MICAL2: variants seen among roughly 807,000 people sequenced by gnomAD.
MICAL2 encodes microtubule associated monooxygenase, calponin and LIM domain containing 2.
A neutral mutation model predicts 127.3 loss-of-function variants in MICAL2; 77 were observed. The observed-to-expected ratio is 0.60, with a 90% CI of 0.50 to 0.73. The LOEUF is 0.73. Ranked by LOEUF, MICAL2 falls within the 30% of genes least tolerant of loss-of-function variation. The probability of loss-of-function intolerance (pLI) is 0.00; values close to 1 mark genes in which losing one functional copy is unlikely to be tolerated. For missense variants in MICAL2, 1,351 were observed against 1,434.4 expected, an observed-to-expected ratio of 0.94 and a Z score of 0.94; for synonymous variants, 570 against 551.1, an observed-to-expected ratio of 1.03 and a Z score of -0.48.
chr11:12,207,250 G>C (rs1240071036), intron 4 of MICAL2, among the ~76,000 whole-genome samples: 2 of 152,004 alleles, frequency 1.3e-5, no homozygotes, highest in African/African-American at 4.8e-5. Flanking sequence ...ATTTACCTCT[G>C]TTCCCTCCAT....
At chr11:12,320,246 G>A in intron 30 of MICAL2, among the ~76,000 whole-genome samples, 1 of 152,194 alleles carries the variant, frequency 6.6e-6, no homozygotes, top group African/African-American at 2.4e-5. Flanking sequence ...GAACCATGCA[G>A]TTGCATCTAG....
intron 5 of MICAL2, 115 bp downstream of exon 5, chr11:12,208,254 CATA>C: frequency 1.3e-6 from 1 of 773,794 alleles, no homozygotes; most frequent in Non-Finnish European, 2.2e-6. Context: ...AGCTGGTTGG[CATA>C]ATGCCACTGA....
chr11:12,185,573 G>T (rs1418036628), intron 3 of MICAL2, among the ~76,000 whole-genome samples: 1 of 152,138 alleles, frequency 6.6e-6, no homozygotes, highest in African/African-American at 2.4e-5. Context: ...TGTGTGTTAG[G>T]TGTTACTGTT....
At chr11:12,258,444 GTA>G in intron 24 of MICAL2, 22 bp from the exon 25 acceptor site, 1 of 1,599,958 alleles carries the variant, frequency 6.3e-7, no homozygotes, top group East Asian at 2.2e-5. Flanking sequence ...AAATTTTTCT[GTA>G]TGTGTGTGCC....
At chr11:12,231,759 G>T (rs1858306080) in intron 15 of MICAL2, among the ~76,000 whole-genome samples, 1 of 152,176 alleles carries the variant, frequency 6.6e-6, no homozygotes, top group South Asian at 2.1e-4. Context: ...GAGGTTTGAA[G>T]AAGGCTTAGG....
intron 4 of MICAL2, among the ~76,000 whole-genome samples, chr11:12,206,180 T>G (rs1388561052): frequency 6.6e-6 from 1 of 152,144 alleles, no homozygotes; most frequent in Non-Finnish European, 1.5e-5. Context: ...ACCACTGTAT[T>G]GAGCACCACT....
At chr11:12,294,889 C>T, downstream of MICAL2, 1 of 1,432,138 alleles carries the variant, frequency 7.0e-7, no homozygotes, top group Non-Finnish European at 9.1e-7. Context: ...AATGTCTGCC[C>T]TTCATGCTGG....
chr11:12,184,294 A>G (rs1271947946), intron 3 of MICAL2, among the ~76,000 whole-genome samples: 1 of 152,200 alleles, frequency 6.6e-6, no homozygotes, highest in Non-Finnish European at 1.5e-5. Context: ...TCTGAGCGGA[A>G]GCTCTCTATC....
At chr11:12,239,977 G>A (rs1306742146) in intron 17 of MICAL2, among the ~76,000 whole-genome samples, 3 of 152,222 alleles carry the variant, frequency 2.0e-5, no homozygotes, top group Non-Finnish European at 4.4e-5. Flanking sequence ...CTTTCCAACC[G>A]TGACTTGGTT....
chr11:12,149,924 A>G lies in MICAL2; in HGVS notation c.-78+11464A>G, dbSNP rs1430304235. On this transcript the variant is annotated intron_variant, in intron 2 of 27. Transcript: ENST00000683283. Reference sequence around the variant, plus strand: ...ACCAGAACCTTCATTTTCAGGGGCAAGTAGAGAGGGGTCTGCCCTCTCTAT... The same window carrying G: ...ACCAGAACCTTCATTTTCAGGGGCAGGTAGAGAGGGGTCTGCCCTCTCTAT... 4.6e-5 allele frequency among the ~76,000 whole-genome samples: 7 copies of G among 152,310 alleles called. No homozygotes were observed. The South Asian group carries it at 1.4e-3, about 32-fold the overall frequency.
chr11:12,119,303 A>G (rs1168847742), intron 1 of MICAL2, among the ~76,000 whole-genome samples: 1 of 152,182 alleles, frequency 6.6e-6, no homozygotes, highest in Non-Finnish European at 1.5e-5. Context: ...CTACGGCATG[A>G]GAGGAGAGAG....
intron 24 of MICAL2, among the ~76,000 whole-genome samples, chr11:12,270,833 G>A (rs1223826290): frequency 3.3e-5 from 5 of 152,226 alleles, no homozygotes; most frequent in African/African-American, 9.6e-5. Flanking sequence ...GTTAATAGCA[G>A]CACACAGGAG....
At chr11:12,260,335 G>A in intron 26 of MICAL2, 3 of 1,406,532 alleles carry the variant, frequency 2.1e-6, no homozygotes, top group Non-Finnish European at 2.8e-6. Flanking sequence ...GCCTTATCAG[G>A]GTGAACATCT....
rs1272971264 is a variant in MICAL2 at position 12,338,849 on chromosome 11, T to C, written c.5516-10989T>C. ...GCTGTTTGTCGGATAGGCCTCCCTTTGTGGGTAACCTGACCTTTCTCTCTG... is the reference window on the plus strand; with the variant it reads ...GCTGTTTGTCGGATAGGCCTCCCTTCGTGGGTAACCTGACCTTTCTCTCTG... On this transcript the variant is annotated intron_variant, in intron 32 of 34. Coordinates refer to the MICAL2 transcript ENST00000646065. Among the ~76,000 whole-genome samples, 5 of 152,378 alleles carry C rather than the reference T, an allele frequency of 3.3e-5. 1 individual carries two copies. Among genetic ancestry groups the C allele is most frequent in the East Asian group, 1.9e-4 (1 of 5,192 alleles).
chr11:12,209,849 C>T (rs1703528108), intron 6 of MICAL2, among the ~76,000 whole-genome samples: 2 of 152,076 alleles, frequency 1.3e-5, no homozygotes, highest in South Asian at 4.1e-4. Context: ...ATCACAGAAC[C>T]CTTTCAAAGT....
chr11:12,185,376 G>A (rs551005639), intron 3 of MICAL2, among the ~76,000 whole-genome samples: 1 of 152,192 alleles, frequency 6.6e-6, no homozygotes, highest in South Asian at 2.1e-4. Flanking sequence ...TTGTGAAGAC[G>A]TATACACATT....
At chr11:12,168,964 GAAAAGAAAA>G (rs1855902558) in intron 3 of MICAL2, among the ~76,000 whole-genome samples, 2 of 120,006 alleles carry the variant, frequency 1.7e-5, no homozygotes, top group African/African-American at 3.4e-5. Flanking sequence ...AAAAAAAAAA[GAAAAGAAAA>G]GAAAAGAGAG....
chr11:12,327,474 G>A (rs898308576), intron 32 of MICAL2, among the ~76,000 whole-genome samples: 1 of 152,198 alleles, frequency 6.6e-6, no homozygotes, highest in Non-Finnish European at 1.5e-5. Flanking sequence ...CAAACTAGTG[G>A]CCCACTTTGA....
chr11:12,334,231 T>C (rs1772895057), intron 32 of MICAL2, among the ~76,000 whole-genome samples: 1 of 152,186 alleles, frequency 6.6e-6, no homozygotes, highest in Non-Finnish European at 1.5e-5. Flanking sequence ...AAGTCCCTGA[T>C]ATAAAATGGC....
Sources: gnomAD v4.1 joint callset for allele counts (sites outside exome capture counted in the v4.1 genomes callset) on GRCh38, gnomAD v4.1.1 for gene constraint, MANE v1.5 for transcripts, NCBI Gene and HGNC (gene_info 2026-07-23, HGNC 2026-07-21) for gene names.